DHX38: variants seen among roughly 807,000 people sequenced by gnomAD.
The protein encoded by DHX38 is DEAH-box helicase 38, also known as pre-mRNA-splicing factor ATP-dependent RNA helicase PRP16.
DHX38 carries 100 observed loss-of-function variants against 153.1 expected under a neutral mutation model. The observed-to-expected ratio is 0.65, with a 90% CI of 0.56 to 0.77. The LOEUF (loss-of-function observed/expected upper bound fraction) is 0.77, where lower values mean the gene tolerates loss of function less well. Ranked by LOEUF, DHX38 falls within the 30% of genes least tolerant of loss-of-function variation. The probability of loss-of-function intolerance (pLI) is 0.00; values close to 1 mark genes in which losing one functional copy is unlikely to be tolerated. For synonymous variants in DHX38, 650 were observed against 631.7 expected, an observed-to-expected ratio of 1.03 and a Z score of -0.43; for missense variants, 1,440 against 1,654.0, an observed-to-expected ratio of 0.87 and a Z score of 2.24.
chr16:72,112,912 A>G lies in DHX38; in HGVS notation c.*415A>G. 2 of 686,560 alleles carry G rather than the reference A, an allele frequency of 2.9e-6. No homozygotes were observed. The highest frequency in any genetic ancestry group is 4.1e-5 in the Admixed American group (2 of 48,570). 42.5% of individuals were successfully genotyped at this position (686,560 alleles called of 1,614,324 possible). ...ATAAATTTATTATTTGTAAAACATG[A>G]CTGCATGTCTGACTTTTTCCTTCAC... On this transcript the variant is annotated 3_prime_UTR_variant, in exon 27 of 27. Transcript: ENST00000268482.
chr16:72,103,509 G>A, intron 12 of DHX38, 93 bp from the exon 13 acceptor site: 1 of 1,397,906 alleles, frequency 7.2e-7, no homozygotes, highest in South Asian at 1.3e-5. Context: ...TGGATAGCTA[G>A]TCATGGGGAT....
At chr16:72,109,379 C>G (rs371746185) in intron 24 of DHX38, 36 bp from the exon 25 acceptor site, 2 of 1,606,166 alleles carry the variant, frequency 1.2e-6, no homozygotes, top group African/African-American at 2.7e-5. Context: ...CATTGGCCCT[C>G]CTGTGACCCT....
In DHX38 at chr16:72,097,740, G is replaced by A; in HGVS notation, c.575G>A (p.Ser192Asn). The change falls in exon 4 of 27, where the codon AGC becomes AAC. Residue 192 changes from serine to asparagine, a missense_variant. Ser to Asn is a conservative substitution (Grantham distance 46, BLOSUM62 1). Around this residue, in one of 6 missense-constraint regions of DHX38, gnomAD observed 483 missense variants for 465.1 expected, o/e 1.04. Coordinates refer to ENST00000268482, the MANE Select transcript of DHX38 (RefSeq NM_014003.4). ...CGAGATGGAGGGTCAGAGCGTAGCA[G>A]CAGAAGAAATGAACCCGAGAGCCCA... Reference protein sequence around the residue: ...SERDGGSERSSRRNEPESPRH... With the variant: ...SERDGGSERSNRRNEPESPRH... 6.2e-7 allele frequency: 1 copy of A among 1,614,134 alleles called. No individual in the cohort carries two copies. Among genetic ancestry groups the A allele is most frequent in the Non-Finnish European group, 8.5e-7 (1 of 1,179,994 alleles).
In DHX38 at chr16:72,112,613, A is replaced by C. The variant is rs992080583; in HGVS notation, c.*116A>C. ...CTGAGGACTTTCATCTGTGCATATC[A>C]CGGCCCCCCAGGGCAGTTCCTGCTG... On this transcript the variant is annotated 3_prime_UTR_variant, in exon 27 of 27. Coordinates refer to ENST00000268482, the MANE Select transcript of DHX38 (RefSeq NM_014003.4). 2.0e-4 allele frequency: 221 copies of C among 1,127,674 alleles called. No homozygotes were observed. The highest frequency in any genetic ancestry group is 2.7e-4 in the Non-Finnish European group (211 of 768,588). The allele number at this position is 1,127,674 out of a possible 1,614,324, so 69.9% of individuals were successfully genotyped here. A position where few individuals can be genotyped will look rare whatever the true frequency, so the allele number is the denominator to read the frequency against.
At position 72,109,471 on chromosome 16, in the gene DHX38, C is replaced by T; in HGVS notation, c.3438C>T (p.Pro1146=). Residue 1146 remains proline (P), a synonymous_variant, in exon 25 of 27, where the codon CCC becomes CCT. Transcript: ENST00000268482. ...GGGAGTGGCTGGCGGAGCTGGGCCC[C>T]ATGTTCTATAGCGTGAAACAGGCGG... The part of the protein sequence containing the change: ...VDGEWLAELG[P]MFYSVKQAGK... 2 of 1,613,094 alleles carry T rather than the reference C, an allele frequency of 1.2e-6. No homozygotes were observed. The highest frequency in any genetic ancestry group is 1.7e-6 in the Non-Finnish European group (2 of 1,179,724).
At chr16:72,097,623 G>A in intron 3 of DHX38, 54 bp from the exon 4 acceptor site, 3 of 1,541,696 alleles carry the variant, frequency 1.9e-6, no homozygotes, top group Non-Finnish European at 2.7e-6. Context: ...GGGTGAAGAT[G>A]TGTATACCTT....
chr16:72,101,089 G>C lies in DHX38; in HGVS notation c.1282G>C (p.Glu428Gln), dbSNP rs2042093528. 1.2e-6 allele frequency: 2 copies of C among 1,614,224 alleles called. No homozygotes were observed. The highest frequency in any genetic ancestry group is 1.7e-6 in the Non-Finnish European group (2 of 1,180,024). The change falls in exon 10 of 27, where the codon GAG (glutamate) becomes CAG (glutamine). Residue 428 changes from glutamate to glutamine, a missense_variant. Glu to Gln is a conservative substitution (Grantham distance 29, BLOSUM62 2). This residue lies in a region of DHX38 where 77 missense variants were observed against 125.4 expected (regional missense o/e 0.61). Coordinates refer to ENST00000268482, the MANE Select transcript of DHX38 (RefSeq NM_014003.4). ...CTCTTTCTCCCCACTGCTGCAGCCG[G>C]AGCCGGTGATTCCAGTGAAGGATGC... ...DGRIVFTKQP[E>Q]PVIPVKDATS...
intron 9 of DHX38, 119 bp downstream of exon 9, chr16:72,100,716 A>G (rs1381098364): frequency 8.5e-6 from 12 of 1,407,284 alleles, no homozygotes; most frequent in Non-Finnish European, 1.1e-5. Context: ...GGATCATTGG[A>G]TACCAGGAGT....
At position 72,100,485 on chromosome 16, in the gene DHX38, A is replaced by G. The variant is rs200780980; in HGVS notation, c.1166A>G (p.His389Arg). 68 of 1,614,178 alleles carry G rather than the reference A, an allele frequency of 4.2e-5. No individual in the cohort carries two copies. The Admixed American group carries it at 1.1e-3, about 25-fold the overall frequency. Reference sequence around the variant, plus strand: ...CGCATGCTCACCAGTGGGGTGGTCCATCGGCTGGAGGTGGATGAGGACTTT... The same window carrying G: ...CGCATGCTCACCAGTGGGGTGGTCCGTCGGCTGGAGGTGGATGAGGACTTT... ...TNRMLTSGVV[H>R]RLEVDEDFEE... The change falls in exon 9 of 27, where the codon CAT (histidine) becomes CGT (arginine). Residue 389 changes from histidine to arginine, a missense_variant. This residue lies in a region of DHX38 where 77 missense variants were observed against 125.4 expected (regional missense o/e 0.61). Transcript: ENST00000268482.
In DHX38 at chr16:72,096,855, C is replaced by T; in HGVS notation, c.357C>T (p.Ser119=). ...HYRSARVETP[S]HPGGVSEEFW... ...GGTCTGCTCGGGTAGAGACTCCATC[C>T]CATCCGGGTGGTGTGAGCGAAGAGT... The change falls in exon 3 of 27, where the codon TCC becomes TCT. Residue 119 remains serine, a synonymous_variant. Transcript: ENST00000268482. 6.2e-7 allele frequency: 1 copy of T among 1,613,768 alleles called. No homozygotes were observed.
rs1414330529 is a variant in DHX38, at chr16:72,104,492, G to T, written c.2017G>T (p.Ala673Ser). 1.9e-6 allele frequency: 3 copies of T among 1,613,768 alleles called. No individual in the cohort carries two copies. The change falls in exon 15 of 27, where the codon GCT becomes TCT. Residue 673 changes from alanine to serine, a missense_variant. Transcript: ENST00000268482. The surrounding 1 kb of genome is among the most constrained non-coding windows in gnomAD (Gnocchi z 4.5). The part of the protein sequence containing the change: ...VLFGLLREVV[A>S]RRSDLKLIVT... Reference sequence around the variant, plus strand: ...GAGCCGCCTCTTCTCTCAGGTAGTGGCTCGGCGCTCAGACCTGAAGCTCAT... The same window carrying T: ...GAGCCGCCTCTTCTCTCAGGTAGTGTCTCGGCGCTCAGACCTGAAGCTCAT...
chr16:72,096,420 A>T lies in DHX38; in HGVS notation c.263A>T (p.Asp88Val). The stretch of plus-strand genomic sequence containing the variant: ...AAGGACTGGGAAGAGAGCAAGGATG[A>T]CCAGAAGGATGCTGAGGAAGAGGGC... Reference protein sequence around the residue: ...SYKDWEESKDDQKDAEEEGGD... With the variant: ...SYKDWEESKDVQKDAEEEGGD... Residue 88 changes from aspartate (D) to valine (V), a missense_variant, in exon 2 of 27, where the codon GAC (aspartate) becomes GTC (valine). Transcript: ENST00000268482. 6.2e-7 allele frequency: 1 copy of T among 1,614,056 alleles called. No homozygotes were observed. The highest frequency in any genetic ancestry group is 8.5e-7 in the Non-Finnish European group (1 of 1,179,986).
rs1403516625 is a variant in DHX38 at position 72,107,037 on chromosome 16, C to T, written c.2601-303C>T. ...TACAAAAATCAGCTGGGCGTGGTGG[C>T]GGATGCCTGTAGTCCCAGCTACTCG... On this transcript the variant is annotated intron_variant, in intron 19 of 26. Coordinates refer to ENST00000268482, the MANE Select transcript of DHX38 (RefSeq NM_014003.4). The surrounding 1 kb of genome is among the most constrained non-coding windows in gnomAD (Gnocchi z 5.3). Among the ~76,000 whole-genome samples, 2 of 151,964 alleles carry T rather than the reference C, an allele frequency of 1.3e-5. No homozygotes were observed. Among genetic ancestry groups the T allele is most frequent in the Admixed American group, 6.6e-5 (1 of 15,260 alleles).
intron 24 of DHX38, 99 bp downstream of exon 24, chr16:72,109,024 C>T (rs1392415423): frequency 1.3e-6 from 2 of 1,484,182 alleles, no homozygotes; most frequent in Non-Finnish European, 1.8e-6. Flanking sequence ...AGCCTGGGAG[C>T]CTTGAGGCCA....
rs1490143628 is a variant in DHX38, at chr16:72,107,179, A to G, written c.2601-161A>G. Among the ~76,000 whole-genome samples the G allele has an allele frequency of 1.3e-5, 2 of 152,192 alleles. No homozygotes were observed. The highest frequency in any genetic ancestry group is 2.9e-5 in the Non-Finnish European group (2 of 68,028). ...GTAAGAGGCTCCAGAAGAAGGGCTAAATTGGCAGATTGGAGTTTTGAATAG... is the reference window on the plus strand; with the variant it reads ...GTAAGAGGCTCCAGAAGAAGGGCTAGATTGGCAGATTGGAGTTTTGAATAG... On this transcript the variant is annotated intron_variant, in intron 19 of 26. Transcript: ENST00000268482. The surrounding 1 kb of genome is among the most constrained non-coding windows in gnomAD (Gnocchi z 5.3).
intron 18 of DHX38, 129 bp from the exon 19 acceptor site, chr16:72,105,876 G>T: frequency 3.6e-6 from 3 of 838,910 alleles, no homozygotes; most frequent in Non-Finnish European, 3.8e-6. Flanking sequence ...AGGTGTTCAT[G>T]AGAACATTTC....
At chr16:72,095,499 G>C (rs2041999671) in intron 1 of DHX38, among the ~76,000 whole-genome samples, 1 of 152,176 alleles carries the variant, frequency 6.6e-6, no homozygotes, top group Non-Finnish European at 1.5e-5. Flanking sequence ...AAAAATGGGT[G>C]AGGGACCAAC....
In DHX38 at chr16:72,100,580, A is replaced by G; in HGVS notation, c.1261A>G (p.Ile421Val). ...NLVPPFLDGR[I>V]VFTKQPEPVI... ...GGTGCCTCCCTTTCTGGATGGGCGCATTGTCTTCACCAAGCAGGTGAGGCT... is the reference window on the plus strand; with the variant it reads ...GGTGCCTCCCTTTCTGGATGGGCGCGTTGTCTTCACCAAGCAGGTGAGGCT... The change falls in exon 9 of 27, where the codon ATT (isoleucine) becomes GTT (valine). Residue 421 changes from isoleucine to valine, a missense_variant. Physicochemically the swap from Ile to Val is conservative, Grantham distance 29. Coordinates refer to ENST00000268482, the MANE Select transcript of DHX38 (RefSeq NM_014003.4). 1 of 1,613,916 alleles carries G rather than the reference A, an allele frequency of 6.2e-7. No homozygotes were observed. Among genetic ancestry groups the G allele is most frequent in the Non-Finnish European group, 8.5e-7 (1 of 1,179,970 alleles).
chr16:72,108,739 G>T, intron 23 of DHX38, 61 bp from the exon 24 acceptor site: 1 of 1,598,850 alleles, frequency 6.3e-7, no homozygotes, highest in Non-Finnish European at 8.5e-7. Flanking sequence ...TAAGGGATGG[G>T]GTCGCTGCCC....
Sources: gnomAD v4.1 joint callset for allele counts (sites outside exome capture counted in the v4.1 genomes callset) on GRCh38, gnomAD v4.1.1 for gene constraint, gnomAD v4.1.1 regional missense constraint, Gnocchi (gnomAD v3.1) non-coding constraint, MANE v1.5 for transcripts, NCBI Gene and HGNC (gene_info 2026-07-23, HGNC 2026-07-21) for gene names.